RIC1: variants seen among roughly 807,000 people sequenced by gnomAD.
RIC1 encodes guanine nucleotide exchange factor subunit RIC1.
Under a neutral mutation model 169.0 loss-of-function variants are expected in RIC1, and 88 were observed. The ratio of observed to expected loss-of-function variants is 0.52; its 90% CI spans 0.44 to 0.62. The LOEUF is 0.62. Ranked by LOEUF, RIC1 falls within the 20% of genes least tolerant of loss-of-function variation. The pLI, the probability that RIC1 is intolerant of heterozygous loss-of-function variation, is 0.00. For synonymous variants in RIC1, 790 were observed against 601.5 expected, an observed-to-expected ratio of 1.31 and a Z score of -4.59; for missense variants, 1,877 against 1,725.5, an observed-to-expected ratio of 1.09 and a Z score of -1.56.
intron 2 of RIC1, among the ~76,000 whole-genome samples, chr9:5,658,358 G>T (rs1045572779): frequency 1.1e-4 from 16 of 151,972 alleles, no homozygotes; most frequent in African/African-American, 3.9e-4. Flanking sequence ...AAAAAATTTA[G>T]CACAGAACAG....
chr9:5,708,599 C>A (rs1199617085), intron 3 of RIC1, among the ~76,000 whole-genome samples: 1 of 152,056 alleles, frequency 6.6e-6, no homozygotes, highest in East Asian at 1.9e-4. Flanking sequence ...CCATGGTTTC[C>A]TATGAAAAGT....
At position 5,632,396 on chromosome 9, in the gene RIC1, T is replaced by C. The variant is rs192077777; in HGVS notation, c.144+2943T>C. Among the ~76,000 whole-genome samples the C allele has an allele frequency of 6.6e-5, 10 of 152,340 alleles. 1 individual carries two copies. Among genetic ancestry groups the C allele is most frequent in the South Asian group, 2.1e-4 (1 of 4,826 alleles). ...CTAATGAACTTTTATGTACTACTTA[T>C]ACCTACTGTCCTCTATTCTAAGTAG... On this transcript the variant is annotated intron_variant, in intron 1 of 25. Coordinates refer to ENST00000414202, the MANE Select transcript of RIC1 (RefSeq NM_020829.4).
intron 3 of RIC1, among the ~76,000 whole-genome samples, chr9:5,702,904 A>G (rs1370201771): frequency 6.6e-6 from 1 of 152,116 alleles, no homozygotes; most frequent in Non-Finnish European, 1.5e-5. Context: ...CAAGAACAGC[A>G]CCAAAGGGGA....
chr9:5,764,030 T>C (rs1826512825), intron 19 of RIC1, among the ~76,000 whole-genome samples, 162 bp downstream of exon 19: 1 of 152,228 alleles, frequency 6.6e-6, no homozygotes, highest in Admixed American at 6.5e-5. Flanking sequence ...CCTTTGAATA[T>C]CATAAAGTAA....
At chr9:5,703,852 T>C (rs150254709) in intron 3 of RIC1, among the ~76,000 whole-genome samples, 338 of 152,380 alleles carry the variant, frequency 2.2e-3, no homozygotes, top group Non-Finnish European at 4.1e-3. Context: ...TCATAGCAGT[T>C]GTTCATGTAC....
At chr9:5,754,242 TA>T (rs1267974527) in intron 14 of RIC1, among the ~76,000 whole-genome samples, 6 of 152,232 alleles carry the variant, frequency 3.9e-5, no homozygotes, top group African/African-American at 7.2e-5. Context: ...ACTCATCTGA[TA>T]AGTGATTAAG....
chr9:5,769,488 A>T, intron 22 of RIC1: 2 of 1,423,742 alleles, frequency 1.4e-6, no homozygotes, highest in Non-Finnish European at 1.8e-6. Flanking sequence ...TCAAAAATCT[A>T]ATCATACTTG....
At chr9:5,753,465 T>C in intron 13 of RIC1, 71 bp from the exon 14 acceptor site, 1 of 955,906 alleles carries the variant, frequency 1.0e-6, no homozygotes. Flanking sequence ...CCTGACACAA[T>C]ACTAAGCTCT....
At chr9:5,722,611 G>A (rs1266785210) in intron 6 of RIC1, among the ~76,000 whole-genome samples, 1 of 151,904 alleles carries the variant, frequency 6.6e-6, no homozygotes, top group Non-Finnish European at 1.5e-5. Context: ...CAGCGTGCAG[G>A]TTTGTTACAT....
intron 3 of RIC1, among the ~76,000 whole-genome samples, chr9:5,694,900 G>A (rs989646887): frequency 1.3e-5 from 2 of 151,388 alleles, no homozygotes; most frequent in East Asian, 2.0e-4. Context: ...CATTTAAAAA[G>A]TATTGAATTT....
intron 3 of RIC1, among the ~76,000 whole-genome samples, chr9:5,700,865 A>G (rs1822170888): frequency 6.6e-6 from 1 of 152,224 alleles, no homozygotes; most frequent in Non-Finnish European, 1.5e-5. Context: ...TTTCTTTTCC[A>G]TGTAGTTTCA....
chr9:5,694,175 C>T (rs1821755450), intron 3 of RIC1, among the ~76,000 whole-genome samples: 1 of 152,132 alleles, frequency 6.6e-6, no homozygotes, highest in African/African-American at 2.4e-5. Context: ...CAACTTGCCC[C>T]TTCTAAAATC....
chr9:5,664,460 G>C (rs992480982), intron 2 of RIC1, among the ~76,000 whole-genome samples: 4 of 151,830 alleles, frequency 2.6e-5, no homozygotes, highest in Non-Finnish European at 5.9e-5. Context: ...CTGGCTTTTA[G>C]GGTTTTCACT....
intron 4 of RIC1, among the ~76,000 whole-genome samples, chr9:5,715,753 G>C (rs1823195788): frequency 6.6e-6 from 1 of 152,044 alleles, no homozygotes; most frequent in Non-Finnish European, 1.5e-5. Context: ...AGAATGTTTA[G>C]AAGGTAAAAA....
At chr9:5,677,669 T>G (rs1379653052) in intron 2 of RIC1, among the ~76,000 whole-genome samples, 3 of 152,076 alleles carry the variant, frequency 2.0e-5, no homozygotes, top group East Asian at 1.9e-4. Context: ...GGCCTTTGTA[T>G]TTCCATATTT....
intron 1 of RIC1, among the ~76,000 whole-genome samples, chr9:5,635,559 T>C (rs1317101191): frequency 6.6e-6 from 1 of 152,228 alleles, no homozygotes; most frequent in Non-Finnish European, 1.5e-5. Context: ...TTTATGTCAG[T>C]ACCATACTAT....
rs1201999040 is a variant in RIC1 at position 5,739,679 on chromosome 9, TCC to T, written c.901+1142_901+1143del. 2.0e-5 allele frequency among the ~76,000 whole-genome samples: 3 copies of T among 152,072 alleles called. No individual in the cohort carries two copies. In the East Asian group the frequency reaches 5.8e-4, roughly 29 times the overall value. ...GCCTCAGGCAGCACAGGGTTTATAA[TCC>T]TCAGACAAAGGTGGAAGGGCTAATG... On this transcript the variant is annotated intron_variant, in intron 8 of 25. Coordinates refer to ENST00000414202, the MANE Select transcript of RIC1 (RefSeq NM_020829.4).
chr9:5,629,562 C>G, intron 1 of RIC1, 109 bp downstream of exon 1: 10 of 1,201,112 alleles, frequency 8.3e-6, no homozygotes, highest in Non-Finnish European at 1.1e-5. Flanking sequence ...TCGTGCCAGA[C>G]CCACCTGCCT....
At chr9:5,773,612 C>A (rs1286426064) in intron 25 of RIC1, among the ~76,000 whole-genome samples, 1 of 152,192 alleles carries the variant, frequency 6.6e-6, no homozygotes, top group African/African-American at 2.4e-5. Flanking sequence ...CCTTAATTGG[C>A]AAATGCATTT....
Sources: allele counts gnomAD v4.1 joint callset (sites outside exome capture counted in the v4.1 genomes callset), GRCh38; gene constraint gnomAD v4.1.1; transcripts MANE v1.5; gene names NCBI Gene and HGNC (gene_info 2026-07-23, HGNC 2026-07-21).